Variants in SAMD3 observed in about 807,000 individuals in gnomAD.
SAMD3 encodes sterile alpha motif domain-containing protein 3.
SAMD3 carries 63 observed loss-of-function variants against 58.5 expected under a neutral mutation model. The observed-to-expected ratio is 1.08, with a 90% CI of 0.88 to 1.33. The LOEUF (loss-of-function observed/expected upper bound fraction) is 1.33. Among genes scored for constraint, SAMD3 ranks in the 40% most tolerant of loss-of-function variants. The pLI, the probability that SAMD3 is intolerant of heterozygous loss-of-function variation, is 0.00. For synonymous variants in SAMD3, 220 were observed against 210.3 expected, an observed-to-expected ratio of 1.05 and a Z score of -0.40; for missense variants, 604 against 608.4, an observed-to-expected ratio of 0.99 and a Z score of 0.08.
chr6:130,147,484 T>G (rs752128414), intron 9 of SAMD3, among the ~76,000 whole-genome samples: 1 of 152,238 alleles, frequency 6.6e-6, no homozygotes, highest in Non-Finnish European at 1.5e-5. Flanking sequence ...AGAATTTCTT[T>G]TCTGACTTTT....
intron 7 of SAMD3, among the ~76,000 whole-genome samples, chr6:130,182,161 C>T (rs9402219): frequency 0.59 from 89,351 of 151,828 alleles, 26,431 homozygotes; most frequent in African/African-American, 0.66. Flanking sequence ...GAAGAAATTC[C>T]GAGAATCAGT....
At chr6:130,206,450 C>A (rs1460048349) in intron 5 of SAMD3, among the ~76,000 whole-genome samples, 1 of 152,236 alleles carries the variant, frequency 6.6e-6, no homozygotes, top group African/African-American at 2.4e-5. Context: ...GACCACTTCA[C>A]TCCCTGGCTT....
intron 2 of SAMD3, among the ~76,000 whole-genome samples, chr6:130,233,867 T>C (rs1388429783): frequency 1.3e-5 from 2 of 152,188 alleles, no homozygotes; most frequent in East Asian, 3.8e-4. Context: ...AAAAGTGGGG[T>C]TTATGGATAA....
intron 5 of SAMD3, among the ~76,000 whole-genome samples, chr6:130,185,039 A>G (rs1792804330): frequency 6.6e-6 from 1 of 152,214 alleles, no homozygotes; most frequent in Admixed American, 6.5e-5. Flanking sequence ...AAATTCTTCT[A>G]ATTAATTTAT....
chr6:130,356,454 A>G (rs1467597800), intron 1 of SAMD3, among the ~76,000 whole-genome samples: 2 of 152,208 alleles, frequency 1.3e-5, no homozygotes, highest in African/African-American at 4.8e-5. Context: ...TTCTCATCCC[A>G]GGATTACTGT....
intron 2 of SAMD3, among the ~76,000 whole-genome samples, chr6:130,233,532 G>A (rs6908798): frequency 0.14 from 21,723 of 152,136 alleles, 1,769 homozygotes; most frequent in East Asian, 0.36. Context: ...CAAGGATCCC[G>A]AGCTGAACAG....
chr6:130,278,299 A>C (rs1180347503), intron 2 of SAMD3, among the ~76,000 whole-genome samples: 2 of 152,140 alleles, frequency 1.3e-5, no homozygotes, highest in Non-Finnish European at 2.9e-5. Context: ...AATTATCCTT[A>C]AAAACTCTGA....
intron 2 of SAMD3, among the ~76,000 whole-genome samples, chr6:130,301,123 T>C (rs1481385309): frequency 2.0e-5 from 3 of 152,188 alleles, no homozygotes; most frequent in East Asian, 3.9e-4. Flanking sequence ...TCCAGCTTCA[T>C]CCATGTCCCT....
chr6:130,337,634 T>C (rs1239363862), intron 1 of SAMD3, among the ~76,000 whole-genome samples: 1 of 152,172 alleles, frequency 6.6e-6, no homozygotes, highest in Non-Finnish European at 1.5e-5. Flanking sequence ...ACTTGTTACA[T>C]GGTTTTGACC....
At position 130,210,165 on chromosome 6, in the gene SAMD3, A is replaced by T. The variant is rs559291311; in HGVS notation, c.270-557T>A. 1.2e-4 allele frequency among the ~76,000 whole-genome samples: 18 copies of T among 152,276 alleles called. No homozygotes were observed. In the South Asian group the frequency reaches 3.5e-3, roughly 30 times the overall value. ...CAGTTTTGCACCTTCCTGACCAATG[A>T]TTTTCTACCAGTTTCAACAAGAACA... On this transcript the variant is annotated intron_variant, in intron 4 of 11. Coordinates refer to ENST00000439090, the MANE Select transcript of SAMD3 (RefSeq NM_001017373.4).
intron 2 of SAMD3, among the ~76,000 whole-genome samples, chr6:130,287,429 A>G (rs144024967): frequency 3.9e-5 from 6 of 152,360 alleles, no homozygotes; most frequent in African/African-American, 1.4e-4. Context: ...GGAGGAACAA[A>G]AAGGGGAAAA....
chr6:130,196,534 C>T (rs895168936), intron 5 of SAMD3, among the ~76,000 whole-genome samples: 3 of 152,080 alleles, frequency 2.0e-5, no homozygotes, highest in Non-Finnish European at 2.9e-5. Context: ...CAGGCCTAAT[C>T]GCCACACACC....
intron 2 of SAMD3, among the ~76,000 whole-genome samples, chr6:130,244,292 C>T (rs73603976): frequency 0.013 from 2,031 of 152,286 alleles, 40 homozygotes; most frequent in African/African-American, 0.046. Flanking sequence ...AACTTCTCAG[C>T]TAGCATTTTT....
chr6:130,214,575 A>G (rs1026279697), intron 3 of SAMD3, 49 bp from the exon 4 acceptor site: 2 of 1,460,688 alleles, frequency 1.4e-6, no homozygotes, highest in Middle Eastern at 1.8e-4. Context: ...CCGGCAAAAC[A>G]CAGGCATTCT....
intron 2 of SAMD3, among the ~76,000 whole-genome samples, chr6:130,299,438 C>T (rs914741867): frequency 6.6e-6 from 1 of 151,992 alleles, no homozygotes; most frequent in African/African-American, 2.4e-5. Context: ...AGACACAACA[C>T]ACCAAAATCT....
At position 130,362,630 on chromosome 6, in the gene SAMD3, C is replaced by T. The variant is rs1778020353; in HGVS notation, c.-304+2490G>A. On this transcript the variant is annotated intron_variant, in intron 1 of 13. Coordinates refer to the SAMD3 transcript ENST00000368134. The stretch of plus-strand genomic sequence containing the variant: ...TTCTAAATGGTACGCTGCCAGTGCC[C>T]CTCAGGCAAAAAGAATCTAATCAGG... Among the ~76,000 whole-genome samples, 3 of 152,166 alleles carry T rather than the reference C, an allele frequency of 2.0e-5. No individual in the cohort carries two copies. The South Asian group carries it at 6.2e-4, about 32-fold the overall frequency.
chr6:130,225,223 AG>A (rs1301381827), upstream of SAMD3, among the ~76,000 whole-genome samples: 1 of 152,256 alleles, frequency 6.6e-6, no homozygotes, highest in Non-Finnish European at 1.5e-5. Flanking sequence ...CCAACGACTG[AG>A]ACAACAAGTA....
At chr6:130,233,113 A>G (rs1796592233) in intron 2 of SAMD3, among the ~76,000 whole-genome samples, 1 of 152,156 alleles carries the variant, frequency 6.6e-6, no homozygotes, top group Non-Finnish European at 1.5e-5. Context: ...TCAGGCACCA[A>G]CTGCAAGTTC....
intron 7 of SAMD3, chr6:130,183,550 A>G (rs538990293): frequency 2.1e-5 from 8 of 382,898 alleles, no homozygotes; most frequent in East Asian, 1.4e-4. Flanking sequence ...TTCTCTTTCT[A>G]TGTGTCACAT....
Sources: gnomAD v4.1 joint callset for allele counts (sites outside exome capture counted in the v4.1 genomes callset) on GRCh38, gnomAD v4.1.1 for gene constraint, MANE v1.5 for transcripts, NCBI Gene and HGNC (gene_info 2026-07-23, HGNC 2026-07-21) for gene names.